The following KDM4C variants were observed in gnomAD, a reference collection of about 807,000 sequenced individuals.
KDM4C encodes the protein lysine demethylase 4C.
A neutral mutation model predicts 129.3 loss-of-function variants in KDM4C; 81 were observed. The ratio of observed to expected loss-of-function variants is 0.63; its 90% CI spans 0.52 to 0.75. The LOEUF (loss-of-function observed/expected upper bound fraction) is 0.75. KDM4C is among the 30% of genes least tolerant of loss of function. The probability of loss-of-function intolerance (pLI) is 0.00; values close to 1 mark genes in which losing one functional copy is unlikely to be tolerated. For synonymous variants in KDM4C, 573 were observed against 456.1 expected (o/e 1.26, Z -3.26); for missense variants, 1,457 against 1,304.0 (o/e 1.12, Z -1.81).
At chr9:6,968,564 A>G (rs1831406577) in intron 8 of KDM4C, among the ~76,000 whole-genome samples, 1 of 152,230 alleles carries the variant, frequency 6.6e-6, no homozygotes, top group Non-Finnish European at 1.5e-5. Context: ...GGTTTCATAA[A>G]GAATGTAAAA....
intron 12 of KDM4C, among the ~76,000 whole-genome samples, chr9:7,007,413 A>C (rs1166782923): frequency 6.6e-6 from 1 of 152,246 alleles, no homozygotes; most frequent in Non-Finnish European, 1.5e-5. Flanking sequence ...TGTTTTCTTC[A>C]ATTTCTGGCA....
upstream of KDM4C, chr9:6,757,697 C>G (rs866453468): frequency 1.3e-5 from 13 of 985,384 alleles, no homozygotes; most frequent in African/African-American, 1.4e-4. Flanking sequence ...TACATCAGGT[C>G]CAGCCCTGCG....
chr9:7,114,172 G>C (rs1189288947), intron 18 of KDM4C, among the ~76,000 whole-genome samples: 1 of 152,142 alleles, frequency 6.6e-6, no homozygotes, highest in Non-Finnish European at 1.5e-5. Context: ...TCTGGGGAGA[G>C]ATCCTTTAGG....
intron 17 of KDM4C, among the ~76,000 whole-genome samples, chr9:7,079,664 C>G (rs1834309679): frequency 6.6e-6 from 1 of 152,188 alleles, no homozygotes; most frequent in Non-Finnish European, 1.5e-5. Context: ...TCACTTTTCA[C>G]CTCTATAAAT....
intron 8 of KDM4C, among the ~76,000 whole-genome samples, chr9:6,897,594 G>T (rs765586397): frequency 3.9e-5 from 6 of 152,188 alleles, no homozygotes; most frequent in Non-Finnish European, 5.9e-5. Flanking sequence ...GTAGTCACAT[G>T]TTCATTTGCT....
intron 8 of KDM4C, among the ~76,000 whole-genome samples, chr9:6,940,048 T>G (rs1311700714): frequency 1.5e-5 from 2 of 134,888 alleles, no homozygotes; most frequent in African/African-American, 5.4e-5. Flanking sequence ...CTTCCTTCCC[T>G]CCTTCCCTCC....
At chr9:7,087,082 C>T (rs1316618669) in intron 17 of KDM4C, among the ~76,000 whole-genome samples, 2 of 116,914 alleles carry the variant, frequency 1.7e-5, no homozygotes, top group Admixed American at 1.0e-4. Flanking sequence ...TTGCAACTTA[C>T]GTGGCTCTTT....
chr9:6,820,135 G>A (rs530207465), intron 4 of KDM4C, among the ~76,000 whole-genome samples: 1 of 152,168 alleles, frequency 6.6e-6, no homozygotes, highest in Non-Finnish European at 1.5e-5. Flanking sequence ...ACTTTGTGGG[G>A]TGGAGGGACA....
At chr9:6,937,280 A>T (rs1180970293) in intron 8 of KDM4C, among the ~76,000 whole-genome samples, 2 of 152,196 alleles carry the variant, frequency 1.3e-5, no homozygotes, top group African/African-American at 4.8e-5. Flanking sequence ...TAAAGTTTGA[A>T]ATTCTGAAGA....
At chr9:6,825,286 C>G (rs1394366894) in intron 4 of KDM4C, among the ~76,000 whole-genome samples, 1 of 151,858 alleles carries the variant, frequency 6.6e-6, no homozygotes, top group Non-Finnish European at 1.5e-5. Context: ...AATTAATGTT[C>G]TGGTATAATT....
At chr9:6,999,274 AT>A (rs1263879570) in intron 12 of KDM4C, among the ~76,000 whole-genome samples, 1 of 152,196 alleles carries the variant, frequency 6.6e-6, no homozygotes, top group Non-Finnish European at 1.5e-5. Flanking sequence ...TATTTTAAGG[AT>A]TTATTAAGTG....
intron 1 of KDM4C, among the ~76,000 whole-genome samples, chr9:6,786,384 T>C (rs1021439362): frequency 2.6e-5 from 4 of 152,202 alleles, no homozygotes; most frequent in Admixed American, 2.6e-4. Context: ...TTAAAAAAAT[T>C]CTTAGGGTAC....
intron 8 of KDM4C, among the ~76,000 whole-genome samples, chr9:6,962,153 G>A (rs1460395809): frequency 6.6e-6 from 1 of 152,202 alleles, no homozygotes; most frequent in Admixed American, 6.5e-5. Context: ...AGCAATAGGA[G>A]TGAATTTGAT....
At chr9:6,995,750 C>T (rs778337159) in intron 12 of KDM4C, among the ~76,000 whole-genome samples, 33 of 152,116 alleles carry the variant, frequency 2.2e-4, no homozygotes, top group Non-Finnish European at 3.8e-4. Flanking sequence ...CAGCTCACTG[C>T]AAGCTCTGCC....
rs74323762 is a variant in KDM4C, at chr9:6,789,123, C to T, written c.-17-3849C>T. On this transcript the variant is annotated intron_variant, in intron 1 of 21. Transcript: ENST00000381309. ...GGAGTGCAGTGGCACAGTCTTGGCT[C>T]ACTGCACCCTCTGCCCCCCGGGGTG... Among the ~76,000 whole-genome samples the T allele has an allele frequency of 6.1e-3, 925 of 150,842 alleles. 8 individuals carry two copies. Among genetic ancestry groups the T allele is most frequent in the African/African-American group, 0.021 (880 of 41,000 alleles).
chr9:6,794,456 C>A (rs1827339713), intron 2 of KDM4C, among the ~76,000 whole-genome samples: 1 of 152,178 alleles, frequency 6.6e-6, no homozygotes, highest in South Asian at 2.1e-4. Flanking sequence ...TAGAGGGAAG[C>A]ACTGACAGGC....
chr9:6,783,508 T>A (rs1390265524), intron 1 of KDM4C, among the ~76,000 whole-genome samples: 2 of 152,106 alleles, frequency 1.3e-5, no homozygotes, highest in Non-Finnish European at 2.9e-5. Flanking sequence ...GGAAGGACAG[T>A]TGAGGCCAGC....
At chr9:6,799,852 A>T (rs1185489694) in intron 2 of KDM4C, among the ~76,000 whole-genome samples, 1 of 151,814 alleles carries the variant, frequency 6.6e-6, no homozygotes, top group Non-Finnish European at 1.5e-5. Flanking sequence ...TCATCAAAAT[A>T]GTAAGGTTAT....
intron 8 of KDM4C, among the ~76,000 whole-genome samples, chr9:6,940,208 A>T (rs2131386271): frequency 6.6e-6 from 1 of 152,222 alleles, no homozygotes; most frequent in Non-Finnish European, 1.5e-5. Context: ...CTCCTGCCTC[A>T]GCCTCCCTGG....
Sources: allele counts gnomAD v4.1 joint callset (sites outside exome capture counted in the v4.1 genomes callset), GRCh38; gene constraint gnomAD v4.1.1; transcripts MANE v1.5; gene names NCBI Gene and HGNC (gene_info 2026-07-23, HGNC 2026-07-21).